The following SGPP2 variants were observed in gnomAD, a reference collection of about 807,000 sequenced individuals.
SGPP2 encodes the protein sphingosine-1-phosphate phosphatase 2.
SGPP2 carries 30 observed loss-of-function variants against 33.9 expected under a neutral mutation model. The ratio of observed to expected loss-of-function variants is 0.89; its 90% CI spans 0.66 to 1.20. The LOEUF (loss-of-function observed/expected upper bound fraction) is 1.20, where lower values mean the gene tolerates loss of function less well. Ranked by LOEUF, SGPP2 falls within the 50% of genes most tolerant of loss-of-function variation. The pLI is 0.00. For synonymous variants in SGPP2, 233 were observed against 225.0 expected, an observed-to-expected ratio of 1.04 and a Z score of -0.32; for missense variants, 458 against 532.1, an observed-to-expected ratio of 0.86 and a Z score of 1.37.
At chr2:222,464,547 A>G (rs1330282691) in intron 1 of SGPP2, among the ~76,000 whole-genome samples, 1 of 152,324 alleles carries the variant, frequency 6.6e-6, no homozygotes, top group East Asian at 1.9e-4. Context: ...CAGTGGCATG[A>G]TCATGGCTCA....
chr2:222,549,914 G>C (rs531973584), intron 4 of SGPP2, among the ~76,000 whole-genome samples: 1 of 146,260 alleles, frequency 6.8e-6, no homozygotes, highest in East Asian at 2.0e-4. Context: ...GTCTCACTCT[G>C]TCACCCGGGC....
chr2:222,475,416 G>T (rs1559154515), intron 2 of SGPP2, among the ~76,000 whole-genome samples: 1 of 151,684 alleles, frequency 6.6e-6, no homozygotes. Context: ...GAGAAGAAAG[G>T]AACCTTTCTA....
At chr2:222,500,385 A>T (rs947456036) in intron 2 of SGPP2, among the ~76,000 whole-genome samples, 1 of 152,150 alleles carries the variant, frequency 6.6e-6, no homozygotes, top group Admixed American at 6.5e-5. Context: ...GGGAGCAATG[A>T]GGAGTAAGTG....
intron 4 of SGPP2, among the ~76,000 whole-genome samples, chr2:222,540,732 A>G (rs1698982181): frequency 6.6e-6 from 1 of 150,900 alleles, no homozygotes; most frequent in South Asian, 2.1e-4. Context: ...TAGTCTGAAT[A>G]TTGGATTTAA....
intron 4 of SGPP2, among the ~76,000 whole-genome samples, chr2:222,536,888 A>G (rs1698923607): frequency 6.6e-6 from 1 of 152,212 alleles, no homozygotes; most frequent in Non-Finnish European, 1.5e-5. Flanking sequence ...GAGAAATGAA[A>G]TGATTTACTA....
rs111067540 is a variant in SGPP2 at position 222,477,331 on chromosome 2, A to C, written c.378+2605A>C. ...TAGGTGTGAGTATATATGTGTGTCTATGTGTGTGTGTATAGGTGTGTATAT... is the reference window on the plus strand; with the variant it reads ...TAGGTGTGAGTATATATGTGTGTCTCTGTGTGTGTGTATAGGTGTGTATAT... On this transcript the variant is annotated intron_variant, in intron 2 of 4. Transcript: ENST00000321276. This position sits in a 1 kb window ranked among gnomAD's most constrained non-coding sequence, Gnocchi z 6.0. Among the ~76,000 whole-genome samples the C allele has an allele frequency of 2.2e-5, 3 of 137,080 alleles. No individual in the cohort carries two copies. The highest frequency in any genetic ancestry group is 9.5e-5 in the African/African-American group (3 of 31,514). 89.9% of individuals were successfully genotyped at this position (137,080 alleles called of 152,430 possible).
intron 2 of SGPP2, among the ~76,000 whole-genome samples, chr2:222,506,320 T>A (rs769070233): frequency 6.6e-6 from 1 of 152,234 alleles, no homozygotes; most frequent in Non-Finnish European, 1.5e-5. Context: ...CCATTCAAAG[T>A]GCACTAGTGA....
chr2:222,469,433 T>A (rs927922119), intron 1 of SGPP2, among the ~76,000 whole-genome samples: 2 of 152,212 alleles, frequency 1.3e-5, no homozygotes, highest in Non-Finnish European at 2.9e-5. Flanking sequence ...TCTACCTGCC[T>A]CGGACTCCCA....
intron 2 of SGPP2, among the ~76,000 whole-genome samples, chr2:222,501,671 G>A (rs10198506): frequency 0.87 from 131,821 of 152,188 alleles, 58,106 homozygotes; most frequent in East Asian, 0.99. Flanking sequence ...AGTGAGGTGC[G>A]TTCACATTTT....
intron 1 of SGPP2, among the ~76,000 whole-genome samples, chr2:222,456,704 G>A (rs1697579193): frequency 6.6e-6 from 1 of 152,178 alleles, no homozygotes; most frequent in Non-Finnish European, 1.5e-5. Context: ...GATCTGAGTG[G>A]GAGTTAACCT....
At chr2:222,427,803 G>A (rs1433321985) in intron 1 of SGPP2, among the ~76,000 whole-genome samples, 1 of 152,170 alleles carries the variant, frequency 6.6e-6, no homozygotes, top group African/African-American at 2.4e-5. Flanking sequence ...AGTGTTTCCT[G>A]TTTTCAAGTG....
At chr2:222,552,331 T>C (rs944779787) in intron 4 of SGPP2, among the ~76,000 whole-genome samples, 2 of 152,196 alleles carry the variant, frequency 1.3e-5, no homozygotes, top group African/African-American at 4.8e-5. Context: ...CCACCAGCAG[T>C]GTAGAAGTGT....
Position 222,452,749 on chromosome 2 carries a change from C to T in SGPP2, c.220-21819C>T. 8.3e-6 allele frequency: 12 copies of T among 1,445,802 alleles called. No homozygotes were observed. In the Middle Eastern group the frequency reaches 1.0e-3, roughly 126 times the overall value. The allele number at this position is 1,445,802 out of a possible 1,614,324, so 89.6% of individuals were successfully genotyped here. A position where few individuals can be genotyped will look rare whatever the true frequency, so the allele number is the denominator to read the frequency against. On this transcript the variant is annotated intron_variant, in intron 1 of 4. Transcript: ENST00000321276. ...ATTGGAAGGTTTCCAGTCGTGTTCA[C>T]CAGGCATTCCTGGTGGTAAGAAGAG...
At chr2:222,542,985 C>T (rs913265141) in intron 4 of SGPP2, among the ~76,000 whole-genome samples, 2 of 152,036 alleles carry the variant, frequency 1.3e-5, no homozygotes, top group Non-Finnish European at 2.9e-5. Context: ...GAGATGAGGT[C>T]TCGCTATGTC....
intron 2 of SGPP2, among the ~76,000 whole-genome samples, chr2:222,513,661 C>A (rs1391755802): frequency 6.6e-6 from 1 of 151,502 alleles, no homozygotes; most frequent in African/African-American, 2.4e-5. Flanking sequence ...ATGACAAGTT[C>A]CATTATAAGA....
At chr2:222,494,300 A>C (rs1273017659) in intron 2 of SGPP2, among the ~76,000 whole-genome samples, 1 of 152,268 alleles carries the variant, frequency 6.6e-6, no homozygotes, top group Non-Finnish European at 1.5e-5. Context: ...AAAATCCTTA[A>C]GCTAAATTTG....
At chr2:222,433,621 C>T (rs149847930) in intron 1 of SGPP2, among the ~76,000 whole-genome samples, 2 of 152,286 alleles carry the variant, frequency 1.3e-5, no homozygotes, top group Non-Finnish European at 2.9e-5. Flanking sequence ...ATCACCTGCC[C>T]TTTCCTGTCA....
At chr2:222,557,765 G>A (rs1408201303) in intron 4 of SGPP2, among the ~76,000 whole-genome samples, 1 of 152,190 alleles carries the variant, frequency 6.6e-6, no homozygotes, top group Non-Finnish European at 1.5e-5. Context: ...TTGTATGCAC[G>A]CTGTTTGAAA....
chr2:222,521,546 A>C (rs1373584255), intron 2 of SGPP2, among the ~76,000 whole-genome samples: 1 of 152,242 alleles, frequency 6.6e-6, no homozygotes, highest in African/African-American at 2.4e-5. Flanking sequence ...TATATGCATT[A>C]ATGTCATATC....
Sources: allele counts gnomAD v4.1 joint callset (sites outside exome capture counted in the v4.1 genomes callset), GRCh38; gene constraint gnomAD v4.1.1; non-coding constraint Gnocchi (gnomAD v3.1); transcripts MANE v1.5; gene names NCBI Gene and HGNC (gene_info 2026-07-23, HGNC 2026-07-21).